WDR20: variants seen among roughly 807,000 people sequenced by gnomAD.
WDR20 encodes WD repeat-containing protein 20.
WDR20 carries 3 observed loss-of-function variants against 38.7 expected under a neutral mutation model. The observed-to-expected ratio is 0.08, with a 90% CI of 0.04 to 0.20. The LOEUF is 0.20. Ranked by LOEUF, WDR20 falls within the 10% of genes least tolerant of loss-of-function variation. The pLI is 1.00. For synonymous variants in WDR20, 298 were observed against 285.6 expected (o/e 1.04, Z -0.44); for missense variants, 559 against 727.7 (o/e 0.77, Z 2.67).
chr14:102,185,226 A>C (rs1681454377), intron 1 of WDR20, among the ~76,000 whole-genome samples: 2 of 152,338 alleles, frequency 1.3e-5, no homozygotes, highest in South Asian at 4.1e-4. Flanking sequence ...TTATGTATTC[A>C]GAAGGAAACT....
Position 102,208,023 on chromosome 14 carries a change from C to G in WDR20, c.433-580C>G, listed in dbSNP as rs757262411. ...GAGGCGGCCTCAGTGGGCCCAGGCTCTGTTTTGGAGTTGTGTGTGCTGCCA... is the reference window on the plus strand; with the variant it reads ...GAGGCGGCCTCAGTGGGCCCAGGCTGTGTTTTGGAGTTGTGTGTGCTGCCA... On this transcript the variant is annotated intron_variant, in intron 2 of 2. Transcript: ENST00000342702. This position sits in a 1 kb window ranked among gnomAD's most constrained non-coding sequence, Gnocchi z 5.6. Among the ~76,000 whole-genome samples the G allele has an allele frequency of 6.6e-6, 1 of 152,170 alleles. No individual in the cohort carries two copies. The highest frequency in any genetic ancestry group is 6.5e-5 in the Admixed American group (1 of 15,278).
At chr14:102,199,505 A>T (rs1320554625) in intron 2 of WDR20, among the ~76,000 whole-genome samples, 2 of 152,110 alleles carry the variant, frequency 1.3e-5, no homozygotes, top group African/African-American at 2.4e-5. Flanking sequence ...CCAGGCAGAG[A>T]GTCAACATGT....
At chr14:102,150,580 G>A (rs1034780642) in intron 1 of WDR20, among the ~76,000 whole-genome samples, 17 of 152,144 alleles carry the variant, frequency 1.1e-4, no homozygotes, top group African/African-American at 3.9e-4. Flanking sequence ...TTGACTCACA[G>A]CCAGCTTACC....
chr14:102,224,122 A>G (rs2064153067), downstream of WDR20, among the ~76,000 whole-genome samples: 2 of 150,230 alleles, frequency 1.3e-5, no homozygotes, highest in Admixed American at 1.3e-4. Flanking sequence ...GCTCACTGCA[A>G]GCTCCGCCTC....
At chr14:102,203,628 G>T (rs970518227) in intron 2 of WDR20, among the ~76,000 whole-genome samples, 1 of 152,066 alleles carries the variant, frequency 6.6e-6, no homozygotes, top group African/African-American at 2.4e-5. Context: ...TGCTGTGTTG[G>T]CTGGGCTTTT....
At chr14:102,165,992 G>C (rs1031932938) in intron 1 of WDR20, among the ~76,000 whole-genome samples, 2 of 151,618 alleles carry the variant, frequency 1.3e-5, no homozygotes, top group African/African-American at 4.8e-5. Flanking sequence ...TTCTAAGCAA[G>C]TGATTTTCTT....
downstream of WDR20, among the ~76,000 whole-genome samples, chr14:102,211,703 C>T (rs1251426521): frequency 6.6e-6 from 1 of 152,182 alleles, no homozygotes; most frequent in Non-Finnish European, 1.5e-5. This position sits in a 1 kb window ranked among gnomAD's most constrained non-coding sequence, Gnocchi z 4.2. Context: ...GCTTTGGAGG[C>T]CAAATTGGGT....
chr14:102,215,249 C>T (rs558313285), downstream of WDR20, among the ~76,000 whole-genome samples: 3 of 152,276 alleles, frequency 2.0e-5, no homozygotes, highest in African/African-American at 4.8e-5. Context: ...AACTCCAGTC[C>T]GGGAGAAGGA....
chr14:102,149,026 G>C (rs1053976377), intron 1 of WDR20, among the ~76,000 whole-genome samples: 1 of 152,092 alleles, frequency 6.6e-6, no homozygotes, highest in Non-Finnish European at 1.5e-5. Context: ...AGCTGGGTGT[G>C]GTGGCGGGTG....
exon 4 of WDR20, chr14:102,223,036 G>A (rs1473488783): frequency 8.7e-6 from 7 of 803,756 alleles, no homozygotes; most frequent in African/African-American, 1.7e-5. Context: ...CTCACTCTGC[G>A]GCGCCGTGCT....
At chr14:102,187,434 C>T (rs968708405) in intron 1 of WDR20, among the ~76,000 whole-genome samples, 14 of 151,708 alleles carry the variant, frequency 9.2e-5, no homozygotes, top group Non-Finnish European at 1.6e-4. Flanking sequence ...GAGGACATGA[C>T]ATCTCTGCTT....
In WDR20 at chr14:102,139,897, A is replaced by G. The variant is rs750744397; in HGVS notation, c.-27A>G. On this transcript the variant is annotated 5_prime_UTR_variant, in exon 1 of 3. Transcript: ENST00000342702. ...CGCGGTGGGCGTGATCCGGGCACTTAGGGCAGGATGAACGCTGCTTTCCAA... is the reference window on the plus strand; with the variant it reads ...CGCGGTGGGCGTGATCCGGGCACTTGGGGCAGGATGAACGCTGCTTTCCAA... The G allele has an allele frequency of 1.2e-6, 2 of 1,606,714 alleles. No homozygotes were observed. The highest frequency in any genetic ancestry group is 2.2e-5 in the South Asian group (2 of 90,870).
chr14:102,162,622 G>A (rs1475828743), intron 1 of WDR20, among the ~76,000 whole-genome samples: 2 of 147,856 alleles, frequency 1.4e-5, no homozygotes, highest in Non-Finnish European at 3.0e-5. Context: ...GCTCTCTCAC[G>A]CTCTCTCGCC....
chr14:102,140,318 A>T, intron 1 of WDR20, 146 bp downstream of exon 1: 1 of 1,289,866 alleles, frequency 7.8e-7, no homozygotes, highest in Non-Finnish European at 1.0e-6. Context: ...GGTACTCCTG[A>T]GGAGAGGGGA....
chr14:102,191,056 G>A (rs551086292), intron 1 of WDR20, among the ~76,000 whole-genome samples: 6 of 152,088 alleles, frequency 3.9e-5, no homozygotes, highest in Non-Finnish European at 5.9e-5. Flanking sequence ...ATAAGATGTG[G>A]CTGGAATTAA....
chr14:102,197,954 C>T, intron 2 of WDR20: 1 of 591,176 alleles, frequency 1.7e-6, no homozygotes, highest in Non-Finnish European at 3.1e-6. Flanking sequence ...TGGGCAAAAC[C>T]TGCCCTCCTG....
At chr14:102,193,435 G>A (rs2058878733) in intron 1 of WDR20, 1 of 1,607,394 alleles carries the variant, frequency 6.2e-7, no homozygotes, top group African/African-American at 1.3e-5. Context: ...GCTCTTTCAT[G>A]TATATATTCT....
chr14:102,200,468 T>TGGG (rs2060189665), intron 2 of WDR20, among the ~76,000 whole-genome samples: 5 of 43,078 alleles, frequency 1.2e-4, no homozygotes, highest in African/African-American at 4.1e-4. Context: ...TTTTTTTTTT[T>TGGG]GTGTGTGTGT....
chr14:102,147,423 G>A (rs933416713), intron 1 of WDR20, among the ~76,000 whole-genome samples: 1 of 152,162 alleles, frequency 6.6e-6, no homozygotes, highest in African/African-American at 2.4e-5. Context: ...ATGAGCAATG[G>A]TGAGAAGCAC....
Sources: allele counts gnomAD v4.1 joint callset (sites outside exome capture counted in the v4.1 genomes callset), GRCh38; gene constraint gnomAD v4.1.1; non-coding constraint Gnocchi (gnomAD v3.1); transcripts MANE v1.5; gene names NCBI Gene and HGNC (gene_info 2026-07-23, HGNC 2026-07-21).